SLC24A3: variants seen among roughly 807,000 people sequenced by gnomAD.
SLC24A3 encodes the protein solute carrier family 24 member 3.
A neutral mutation model predicts 75.8 loss-of-function variants in SLC24A3; 28 were observed. The observed-to-expected ratio is 0.37, with a 90% CI of 0.27 to 0.51. The LOEUF (loss-of-function observed/expected upper bound fraction) is 0.51, where lower values mean the gene tolerates loss of function less well. Among genes scored for constraint, SLC24A3 ranks in the 20% least tolerant of loss-of-function variants. The probability of loss-of-function intolerance (pLI) is 0.94; values close to 1 mark genes in which losing one functional copy is unlikely to be tolerated. For synonymous variants in SLC24A3, 372 were observed against 334.1 expected (o/e 1.11, Z -1.24); for missense variants, 663 against 847.8 (o/e 0.78, Z 2.71).
At chr20:19,660,077 C>T (rs776523444) in intron 7 of SLC24A3, among the ~76,000 whole-genome samples, 2 of 152,170 alleles carry the variant, frequency 1.3e-5, no homozygotes, top group African/African-American at 2.4e-5. Context: ...TCCCCTCCTG[C>T]ACCCATTTTT....
intron 4 of SLC24A3, among the ~76,000 whole-genome samples, chr20:19,581,686 T>C (rs933041629): frequency 3.9e-5 from 6 of 152,316 alleles, no homozygotes; most frequent in African/African-American, 1.4e-4. Context: ...GTGACTGATA[T>C]TATCCCCTCT....
At chr20:19,227,592 T>C (rs966996413) in intron 1 of SLC24A3, among the ~76,000 whole-genome samples, 1 of 152,206 alleles carries the variant, frequency 6.6e-6, no homozygotes. Context: ...TAAAATTTAA[T>C]TTAAACAGAT....
chr20:19,494,023 G>A (rs78768460), intron 2 of SLC24A3, among the ~76,000 whole-genome samples: 8,156 of 152,230 alleles, frequency 0.054, 329 homozygotes, highest in Non-Finnish European at 0.066. Context: ...CCTTCCGGGC[G>A]GCTCCCCAGG....
At chr20:19,329,731 CT>C (rs1984955270) in intron 2 of SLC24A3, among the ~76,000 whole-genome samples, 2 of 152,170 alleles carry the variant, frequency 1.3e-5, no homozygotes, top group African/African-American at 4.8e-5. Context: ...ATTTTTCCCC[CT>C]TCATAGCTAA....
chr20:19,616,639 C>A (rs934732171), intron 6 of SLC24A3, among the ~76,000 whole-genome samples: 2 of 152,110 alleles, frequency 1.3e-5, no homozygotes, highest in Non-Finnish European at 2.9e-5. Context: ...GTCAAAATCA[C>A]CCCCAAGAAA....
chr20:19,518,234 A>T (rs1394707882), intron 3 of SLC24A3, among the ~76,000 whole-genome samples: 2 of 152,238 alleles, frequency 1.3e-5, no homozygotes, highest in Non-Finnish European at 1.5e-5. Flanking sequence ...GCAAGAAGCA[A>T]AATACAGACT....
At chr20:19,305,240 G>A (rs1984295830) in intron 2 of SLC24A3, among the ~76,000 whole-genome samples, 1 of 152,148 alleles carries the variant, frequency 6.6e-6, no homozygotes, top group Admixed American at 6.5e-5. Flanking sequence ...TCTTTCATGA[G>A]GAAATGTGGG....
chr20:19,426,559 T>C (rs1030795246), intron 2 of SLC24A3, among the ~76,000 whole-genome samples: 2 of 152,250 alleles, frequency 1.3e-5, no homozygotes, highest in African/African-American at 4.8e-5. Flanking sequence ...ACTTGGATTG[T>C]TTCCAATACT....
At chr20:19,681,550 G>A (rs1296182709) in intron 9 of SLC24A3, among the ~76,000 whole-genome samples, 1 of 152,178 alleles carries the variant, frequency 6.6e-6, no homozygotes, top group Admixed American at 6.5e-5. Context: ...ACTGAGAAGG[G>A]GAGCTCAATC....
At chr20:19,360,933 T>G (rs905308802) in intron 2 of SLC24A3, among the ~76,000 whole-genome samples, 14 of 152,066 alleles carry the variant, frequency 9.2e-5, no homozygotes, top group Non-Finnish European at 2.1e-4. Context: ...TTCACGCCGT[T>G]CTCCTGCCTC....
intron 2 of SLC24A3, among the ~76,000 whole-genome samples, chr20:19,314,766 C>T (rs1017849200): frequency 2.0e-5 from 3 of 152,196 alleles, no homozygotes; most frequent in Non-Finnish European, 4.4e-5. Context: ...CACAGTCTTC[C>T]GGAAGGAATG....
At chr20:19,705,399 G>T (rs567672275) in intron 15 of SLC24A3, among the ~76,000 whole-genome samples, 31 of 152,326 alleles carry the variant, frequency 2.0e-4, no homozygotes, top group African/African-American at 7.0e-4. Context: ...ACACTGGGCA[G>T]GGTGGGGGAC....
chr20:19,693,064 T>C, intron 12 of SLC24A3, 195 bp from the exon 13 acceptor site: 1 of 557,950 alleles, frequency 1.8e-6, no homozygotes, highest in Non-Finnish European at 3.0e-6. Flanking sequence ...ATTTTTTTTT[T>C]AATTCTGTTT....
chr20:19,562,169 A>C (rs1001882726), intron 3 of SLC24A3, among the ~76,000 whole-genome samples: 1 of 152,110 alleles, frequency 6.6e-6, no homozygotes, highest in African/African-American at 2.4e-5. Flanking sequence ...AGCATGATTA[A>C]ATTTTAGCTC....
chr20:19,472,508 A>G (rs1987892303), intron 2 of SLC24A3, among the ~76,000 whole-genome samples: 1 of 152,146 alleles, frequency 6.6e-6, no homozygotes, highest in African/African-American at 2.4e-5. Flanking sequence ...ACATGTGGGG[A>G]AGGAAACCAA....
chr20:19,529,063 A>T (rs1033788365), intron 3 of SLC24A3, among the ~76,000 whole-genome samples: 2 of 152,108 alleles, frequency 1.3e-5, no homozygotes, highest in Admixed American at 6.6e-5. Flanking sequence ...TGGTACTCCA[A>T]CTCTTTTGTA....
At chr20:19,709,284 G>C (rs991081758) in intron 15 of SLC24A3, among the ~76,000 whole-genome samples, 2 of 152,146 alleles carry the variant, frequency 1.3e-5, no homozygotes, top group Admixed American at 6.5e-5. Flanking sequence ...CTAAGGCAAC[G>C]AGGCAGGAAT....
intron 8 of SLC24A3, among the ~76,000 whole-genome samples, chr20:19,670,079 C>T (rs1021214368): frequency 6.6e-6 from 1 of 152,096 alleles, no homozygotes; most frequent in African/African-American, 2.4e-5. Flanking sequence ...ACCTCCTCTA[C>T]GCCAGGGAAA....
At chr20:19,638,994 G>T (rs2032035149) in intron 6 of SLC24A3, among the ~76,000 whole-genome samples, 1 of 152,160 alleles carries the variant, frequency 6.6e-6, no homozygotes, top group Admixed American at 6.5e-5. Context: ...CTTCCACACT[G>T]TGGAAGGGGA....
Sources: gnomAD v4.1 joint callset for allele counts (sites outside exome capture counted in the v4.1 genomes callset) on GRCh38, gnomAD v4.1.1 for gene constraint, MANE v1.5 for transcripts, NCBI Gene and HGNC (gene_info 2026-07-23, HGNC 2026-07-21) for gene names.